The following ROBO2 variants were observed in gnomAD, a reference collection of about 807,000 sequenced individuals.
ROBO2 encodes roundabout homolog 2.
In ROBO2, 53 loss-of-function variants were observed where a neutral mutation model predicts 160.8. The observed-to-expected ratio is 0.33, with a 90% confidence interval of 0.26 to 0.41. ROBO2 has a LOEUF of 0.41. ROBO2 is among the 10% of genes least tolerant of loss of function. The probability of loss-of-function intolerance (pLI) is 1.00; values close to 1 mark genes in which losing one functional copy is unlikely to be tolerated. For synonymous variants in ROBO2, 664 were observed against 611.7 expected, an observed-to-expected ratio of 1.09 and a Z score of -1.26; for missense variants, 1,577 against 1,722.4, an observed-to-expected ratio of 0.92 and a Z score of 1.49.
At chr3:77,255,305 T>G (rs928871342) in intron 2 of ROBO2, among the ~76,000 whole-genome samples, 1 of 152,188 alleles carries the variant, frequency 6.6e-6, no homozygotes, top group African/African-American at 2.4e-5. Context: ...ATTCATAAAA[T>G]CAGCATTCTG....
At chr3:76,395,866 G>C (rs1228883913) in intron 2 of ROBO2, among the ~76,000 whole-genome samples, 1 of 152,104 alleles carries the variant, frequency 6.6e-6, no homozygotes, top group Non-Finnish European at 1.5e-5. Context: ...GGACCAGATG[G>C]ATTCACAGCC....
At chr3:76,103,628 T>G (rs2069796430) in intron 2 of ROBO2, among the ~76,000 whole-genome samples, 1 of 152,168 alleles carries the variant, frequency 6.6e-6, no homozygotes, top group Non-Finnish European at 1.5e-5. Flanking sequence ...CAGACACCTG[T>G]GGATACTGGG....
At chr3:76,589,959 C>T in intron 2 of ROBO2, among the ~76,000 whole-genome samples, 1 of 152,068 alleles carries the variant, frequency 6.6e-6, no homozygotes, top group African/African-American at 2.4e-5. Flanking sequence ...AGGCAGACAG[C>T]AGGATCTCAG....
chr3:77,040,897 C>G (rs765304370), intron 1 of ROBO2, 51 bp downstream of exon 1: 5 of 1,609,388 alleles, frequency 3.1e-6, no homozygotes, highest in Non-Finnish European at 3.4e-6. Context: ...CCCCCAATCC[C>G]CCAAAACCAT....
intron 2 of ROBO2, among the ~76,000 whole-genome samples, chr3:77,108,277 T>TATGTATACACATATGC (rs1560026200): frequency 5.3e-5 from 5 of 94,064 alleles, no homozygotes; most frequent in African/African-American, 1.8e-4. Context: ...CATATGCATA[T>TATGTATACACATATGC]ATATATATGT....
At chr3:76,901,494 G>T (rs1388038711) in intron 2 of ROBO2, among the ~76,000 whole-genome samples, 6 of 147,006 alleles carry the variant, frequency 4.1e-5, no homozygotes, top group Non-Finnish European at 8.9e-5. Flanking sequence ...CTTGAAACTG[G>T]GAGGCAGAGG....
At chr3:75,943,752 A>C (rs1948155422) in intron 2 of ROBO2, among the ~76,000 whole-genome samples, 1 of 151,908 alleles carries the variant, frequency 6.6e-6, no homozygotes, top group East Asian at 1.9e-4. Flanking sequence ...CCCAGGCTGG[A>C]GTGCAGTGAC....
chr3:76,710,948 C>A (rs548657047), intron 2 of ROBO2, among the ~76,000 whole-genome samples: 1 of 152,276 alleles, frequency 6.6e-6, no homozygotes, highest in Non-Finnish European at 1.5e-5. Flanking sequence ...TAATCTTTTA[C>A]ATTCTGTTTC....
At chr3:76,807,580 C>A (rs189400546) in intron 2 of ROBO2, among the ~76,000 whole-genome samples, 1 of 152,044 alleles carries the variant, frequency 6.6e-6, no homozygotes, top group Admixed American at 6.6e-5. Context: ...CTATTTTAAC[C>A]TCTGACACCA....
chr3:76,856,547 C>T (rs2070103858), intron 2 of ROBO2, among the ~76,000 whole-genome samples: 1 of 152,116 alleles, frequency 6.6e-6, no homozygotes, highest in Non-Finnish European at 1.5e-5. Flanking sequence ...ATCTACCCTG[C>T]CCCTACACTT....
At chr3:77,060,889 C>T (rs1047517238) in intron 1 of ROBO2, among the ~76,000 whole-genome samples, 2 of 152,046 alleles carry the variant, frequency 1.3e-5, no homozygotes, top group Non-Finnish European at 2.9e-5. Flanking sequence ...AAACATCTAG[C>T]AGAGATAATA....
intron 2 of ROBO2, among the ~76,000 whole-genome samples, chr3:76,338,193 A>T (rs917394289): frequency 6.6e-6 from 1 of 152,132 alleles, no homozygotes; most frequent in Non-Finnish European, 1.5e-5. Context: ...CCAACTTTAC[A>T]TACCCACTGG....
chr3:77,644,875 A>G (rs2095396169), exon 25 of ROBO2: 13 of 1,613,974 alleles, frequency 8.1e-6, no homozygotes, highest in South Asian at 2.2e-5. Context: ...ATGGGCTCCA[A>G]CAGTCAAGGA....
chr3:76,064,054 T>C (rs1337266691), intron 2 of ROBO2, among the ~76,000 whole-genome samples: 4 of 152,152 alleles, frequency 2.6e-5, no homozygotes, highest in Admixed American at 6.5e-5. Flanking sequence ...GTTAGTCCTC[T>C]AACTGCAAGA....
chr3:77,017,171 T>C (rs907171143), intron 2 of ROBO2, among the ~76,000 whole-genome samples: 1 of 152,176 alleles, frequency 6.6e-6, no homozygotes, highest in Admixed American at 6.6e-5. Context: ...ACAACAAAAG[T>C]CTACTAGAAT....
At chr3:76,555,054 T>C (rs2083623906) in intron 2 of ROBO2, among the ~76,000 whole-genome samples, 1 of 152,074 alleles carries the variant, frequency 6.6e-6, no homozygotes, top group South Asian at 2.1e-4. Context: ...GTTTGTTTTA[T>C]AGAAAGTCTT....
At chr3:77,099,042 G>T in intron 2 of ROBO2, among the ~76,000 whole-genome samples, 1 of 148,978 alleles carries the variant, frequency 6.7e-6, no homozygotes. Flanking sequence ...TCTTTCTTTT[G>T]GTAAACAAAA....
At chr3:76,987,859 C>A (rs987102282) in intron 2 of ROBO2, among the ~76,000 whole-genome samples, 1 of 151,834 alleles carries the variant, frequency 6.6e-6, no homozygotes, top group South Asian at 2.1e-4. Context: ...TGGCAAACAC[C>A]TAAAAATGAA....
intron 2 of ROBO2, among the ~76,000 whole-genome samples, chr3:77,166,868 G>A (rs1032562467): frequency 6.6e-6 from 1 of 152,170 alleles, no homozygotes; most frequent in African/African-American, 2.4e-5. Flanking sequence ...CGACACAGAG[G>A]TTTTTAAGCA....
Sources: allele counts gnomAD v4.1 joint callset (sites outside exome capture counted in the v4.1 genomes callset), GRCh38; gene constraint gnomAD v4.1.1; transcripts MANE v1.5; gene names NCBI Gene and HGNC (gene_info 2026-07-23, HGNC 2026-07-21).